RAPGEF6: variants seen among roughly 807,000 people sequenced by gnomAD.
The protein encoded by RAPGEF6 is Rap guanine nucleotide exchange factor 6.
RAPGEF6 carries 56 observed loss-of-function variants against 171.4 expected under a neutral mutation model. The ratio of observed to expected loss-of-function variants is 0.33; its 90% CI spans 0.26 to 0.41. The LOEUF is 0.41. Among genes scored for constraint, RAPGEF6 ranks in the 10% least tolerant of loss-of-function variants. The pLI is 1.00. For missense variants in RAPGEF6, 1,674 were observed against 1,921.4 expected (o/e 0.87, Z 2.41); for synonymous variants, 692 against 650.1 (o/e 1.06, Z -0.98).
At chr5:131,494,845 C>A (rs1756523445) in intron 13 of RAPGEF6, among the ~76,000 whole-genome samples, 1 of 152,058 alleles carries the variant, frequency 6.6e-6, no homozygotes, top group Non-Finnish European at 1.5e-5. Flanking sequence ...AATATGTGAA[C>A]ATACATGTGT....
intron 23 of RAPGEF6, among the ~76,000 whole-genome samples, chr5:131,440,737 C>CAAAAAAAA (rs1168441695): frequency 6.2e-3 from 407 of 65,974 alleles, no homozygotes; most frequent in Non-Finnish European, 8.7e-3. Flanking sequence ...GACTCTGTCT[C>CAAAAAAAA]AAAAAAAAAA....
At position 131,426,386 on chromosome 5, in the gene RAPGEF6, C is replaced by T. The variant is rs980670435; in HGVS notation, c.*880G>A. On this transcript the variant is annotated 3_prime_UTR_variant, in exon 28 of 28. Coordinates refer to ENST00000509018, the MANE Select transcript of RAPGEF6 (RefSeq NM_016340.6). ...AGACCAGAACTCTCTAGAACCCAGT[C>T]TCTATTTGTTGGATCTATACTTTCA... 1 of 152,320 alleles carries T rather than the reference C, an allele frequency of 6.6e-6. No homozygotes were observed. Among genetic ancestry groups the T allele is most frequent in the African/African-American group, 2.4e-5 (1 of 41,440 alleles). 9.4% of individuals were successfully genotyped at this position (152,320 alleles called of 1,614,324 possible). A position where few individuals can be genotyped will look rare whatever the true frequency, so the allele number is the denominator to read the frequency against.
At chr5:131,558,516 G>C (rs1488017354) in intron 5 of RAPGEF6, among the ~76,000 whole-genome samples, 2 of 151,622 alleles carry the variant, frequency 1.3e-5, no homozygotes, top group African/African-American at 4.9e-5. Context: ...CTATTTCTTG[G>C]CTTGTGATTA....
At chr5:131,482,594 C>T (rs554120125) in intron 15 of RAPGEF6, among the ~76,000 whole-genome samples, 4 of 152,312 alleles carry the variant, frequency 2.6e-5, no homozygotes, top group African/African-American at 9.6e-5. Context: ...TGAGCCACCA[C>T]GACTGGCCAA....
intron 9 of RAPGEF6, among the ~76,000 whole-genome samples, chr5:131,507,157 T>A (rs1229565870): frequency 7.6e-6 from 1 of 130,980 alleles, no homozygotes; most frequent in Non-Finnish European, 1.6e-5. Context: ...CTTATATATA[T>A]AATATATGTA....
chr5:131,500,881 G>A (rs1756975716), intron 11 of RAPGEF6, among the ~76,000 whole-genome samples: 1 of 126,072 alleles, frequency 7.9e-6, no homozygotes, highest in African/African-American at 3.2e-5. Flanking sequence ...CAGTGTTGTT[G>A]AATAAATGAA....
At chr5:131,445,193 C>CTTTTCTTATATG (rs1264738761) in intron 22 of RAPGEF6, among the ~76,000 whole-genome samples, 2 of 152,122 alleles carry the variant, frequency 1.3e-5, no homozygotes, top group African/African-American at 4.8e-5. Context: ...CCATCATACT[C>CTTTTCTTATATG]CAAATCTTTT....
At chr5:131,477,821 TG>T (rs1755208943) in intron 16 of RAPGEF6, among the ~76,000 whole-genome samples, 1 of 152,192 alleles carries the variant, frequency 6.6e-6, no homozygotes, top group Admixed American at 6.5e-5. Flanking sequence ...TTAAGGCTTC[TG>T]GAAGTGGAAC....
chr5:131,504,826 A>G (rs1757253734), intron 10 of RAPGEF6, 48 bp from the exon 11 acceptor site: 1 of 1,514,914 alleles, frequency 6.6e-7, no homozygotes, highest in Non-Finnish European at 8.9e-7. Flanking sequence ...TAGTACATAA[A>G]TATATCACTA....
chr5:131,500,512 A>G (rs191280653), intron 11 of RAPGEF6, among the ~76,000 whole-genome samples: 3 of 152,308 alleles, frequency 2.0e-5, no homozygotes, highest in East Asian at 3.9e-4. Context: ...TCTAAATTTT[A>G]TTTAAAGATG....
intron 24 of RAPGEF6, chr5:131,435,996 GT>G (rs1322312534): frequency 4.6e-6 from 7 of 1,536,548 alleles, no homozygotes; most frequent in Non-Finnish European, 6.1e-6. Context: ...TATAGAAGCA[GT>G]TTAAAGTGTT....
intron 12 of RAPGEF6, 105 bp downstream of exon 12, chr5:131,498,338 G>A: frequency 4.8e-6 from 5 of 1,032,314 alleles, no homozygotes; most frequent in Middle Eastern, 3.0e-4. Flanking sequence ...TTTTTTAGGT[G>A]TACTGAATCT....
At chr5:131,470,081 T>C (rs568577469) in intron 17 of RAPGEF6, among the ~76,000 whole-genome samples, 2 of 152,302 alleles carry the variant, frequency 1.3e-5, no homozygotes, top group East Asian at 3.9e-4. Context: ...AACTGGGAAT[T>C]GATGTTTTTT....
intron 13 of RAPGEF6, 148 bp from the exon 14 acceptor site, chr5:131,492,933 A>G (rs1406702375): frequency 3.0e-6 from 2 of 672,058 alleles, no homozygotes; most frequent in Non-Finnish European, 5.1e-6. Context: ...CTCCCACGCC[A>G]AAGCACTCTC....
intron 1 of RAPGEF6, among the ~76,000 whole-genome samples, chr5:131,609,256 T>C (rs1219477263): frequency 6.6e-6 from 1 of 152,134 alleles, no homozygotes; most frequent in African/African-American, 2.4e-5. Flanking sequence ...AAGTATTCTG[T>C]TATAGCAACA....
At position 131,424,632 on chromosome 5, in the gene RAPGEF6, A is replaced by C. The variant is rs1751310480; in HGVS notation, c.*2634T>G. On this transcript the variant is annotated 3_prime_UTR_variant, in exon 28 of 28. Coordinates refer to ENST00000509018, the MANE Select transcript of RAPGEF6 (RefSeq NM_016340.6). ...TGATGTGATTTATCACCCTCAAGAA[A>C]ATTCACTAAAGGCTTTTTCTCCCCA... 6.6e-6 allele frequency: 1 copy of C among 152,328 alleles called. No homozygotes were observed. Among genetic ancestry groups the C allele is most frequent in the African/African-American group, 2.4e-5 (1 of 41,452 alleles). The allele number at this position is 152,328 out of a possible 1,614,324, so 9.4% of individuals were successfully genotyped here. A position where few individuals can be genotyped will look rare whatever the true frequency, so the allele number is the denominator to read the frequency against.
intron 6 of RAPGEF6, among the ~76,000 whole-genome samples, chr5:131,539,809 C>T (rs553060343): frequency 3.9e-5 from 6 of 152,230 alleles, no homozygotes; most frequent in Non-Finnish European, 7.4e-5. Context: ...GAATGGAGAA[C>T]GTGATATAAT....
intron 11 of RAPGEF6, among the ~76,000 whole-genome samples, chr5:131,500,194 GC>G (rs1313500288): frequency 6.6e-6 from 1 of 152,122 alleles, no homozygotes; most frequent in Non-Finnish European, 1.5e-5. Flanking sequence ...ACTGTGCCTG[GC>G]CCTATTTTAT....
At chr5:131,585,651 C>T (rs1010197826) in intron 4 of RAPGEF6, among the ~76,000 whole-genome samples, 70 of 152,180 alleles carry the variant, frequency 4.6e-4, no homozygotes, top group Middle Eastern at 3.4e-3. Flanking sequence ...GATGGTGAAA[C>T]CCCGTCTCTA....
Sources: gnomAD v4.1 joint callset for allele counts (sites outside exome capture counted in the v4.1 genomes callset) on GRCh38, gnomAD v4.1.1 for gene constraint, MANE v1.5 for transcripts, NCBI Gene and HGNC (gene_info 2026-07-23, HGNC 2026-07-21) for gene names.